THOC1: variants seen among roughly 807,000 people sequenced by gnomAD.
THOC1 encodes the protein THO complex subunit 1.
A neutral mutation model predicts 97.3 loss-of-function variants in THOC1; 29 were observed. The observed-to-expected ratio is 0.30, with a 90% CI of 0.22 to 0.41. The LOEUF (loss-of-function observed/expected upper bound fraction) is 0.41. Among genes scored for constraint, THOC1 ranks in the 10% least tolerant of loss-of-function variants. The pLI is 1.00. For synonymous variants in THOC1, 255 were observed against 257.0 expected (o/e 0.99, Z 0.07); for missense variants, 529 against 761.9 (o/e 0.69, Z 3.60).
intron 18 of THOC1, among the ~76,000 whole-genome samples, chr18:218,067 A>T (rs1288232729): frequency 6.6e-6 from 1 of 152,204 alleles, no homozygotes; most frequent in African/African-American, 2.4e-5. Context: ...ATTAGTTAAG[A>T]GGTCACAGTA....
intron 3 of THOC1, 158 bp downstream of exon 3, chr18:265,145 T>C (rs1912722244): frequency 1.6e-6 from 1 of 617,978 alleles, no homozygotes; most frequent in Non-Finnish European, 2.8e-6. Flanking sequence ...TCAAAATCCT[T>C]AGAGAAATCG....
intron 11 of THOC1, chr18:244,527 T>C (rs1057353152): frequency 2.6e-5 from 4 of 152,234 alleles, no homozygotes; most frequent in Admixed American, 1.3e-4. Flanking sequence ...TTCTCTACTG[T>C]CTTCTGGTAT....
At chr18:257,647 A>G (rs1912477508) in intron 7 of THOC1, among the ~76,000 whole-genome samples, 3 of 152,194 alleles carry the variant, frequency 2.0e-5, no homozygotes, top group Admixed American at 2.0e-4. Flanking sequence ...TGATAACCAG[A>G]CACACAAAGA....
intron 9 of THOC1, among the ~76,000 whole-genome samples, chr18:251,736 G>A (rs1009442186): frequency 6.6e-6 from 1 of 152,154 alleles, no homozygotes; most frequent in Non-Finnish European, 1.5e-5. Flanking sequence ...GAGTGTGGGT[G>A]GGTGGGTATA....
rs751146132 is a variant in THOC1 at position 214,761 on chromosome 18, A to C, written c.1839T>G (p.Ala613=). 1 of 1,613,846 alleles carries C rather than the reference A, an allele frequency of 6.2e-7. No homozygotes were observed. The highest frequency in any genetic ancestry group is 1.3e-5 in the African/African-American group (1 of 74,906). ...ECDSEDMKMR[A]KQLLVAWQDQ... is the part of the protein sequence containing the mutation. ...CTTGCCAGGCAACCAGGAGCTGCTT[A>C]GCTCTCATCTTCATGTCTTCACTGT... The change falls in exon 21 of 21, where the codon GCT becomes GCG. Residue 613 remains alanine, a synonymous_variant. Transcript: ENST00000261600.
chr18:257,848 AT>A (rs1212288488), intron 7 of THOC1, among the ~76,000 whole-genome samples: 4 of 152,236 alleles, frequency 2.6e-5, no homozygotes, highest in African/African-American at 9.6e-5. Context: ...AGATGAAAAA[AT>A]ATATAAGGAG....
At chr18:245,376 A>G (rs1281385680) in intron 11 of THOC1, 1 of 152,016 alleles carries the variant, frequency 6.6e-6, no homozygotes, top group East Asian at 1.9e-4. Flanking sequence ...CTGAGTCCAA[A>G]AGTCTAGAAG....
At chr18:216,166 A>C in intron 19 of THOC1, 2 of 212,760 alleles carry the variant, frequency 9.4e-6, no homozygotes, top group Non-Finnish European at 1.9e-5. Flanking sequence ...ATTGGCCAGG[A>C]TGGTCTCAAT....
chr18:252,879 T>C (rs1912325834), intron 8 of THOC1, among the ~76,000 whole-genome samples: 1 of 152,128 alleles, frequency 6.6e-6, no homozygotes, highest in Non-Finnish European at 1.5e-5. Context: ...ACATAATCAA[T>C]AGATTCCCTC....
In THOC1 at chr18:259,135, A is replaced by G; in HGVS notation, c.520+45T>C. ...CAGATTTTAATCTATTAAAAACTGG[A>G]AAAGATTTTCCTGCAGAAAACTCAT... is the stretch of plus-strand genomic sequence containing the variant. On this transcript the variant is annotated intron_variant, in intron 7 of 20. Transcript: ENST00000261600. 2.1e-6 allele frequency: 3 copies of G among 1,448,106 alleles called. No homozygotes were observed. The Middle Eastern group carries it at 5.3e-4, about 257-fold the overall frequency. 89.7% of individuals were successfully genotyped at this position (1,448,106 alleles called of 1,614,324 possible).
rs773364121 is a variant in THOC1, at chr18:252,574, T to G, written c.642A>C (p.Glu214Asp). The G allele has an allele frequency of 5.6e-6, 9 of 1,609,786 alleles. No homozygotes were observed. The highest frequency in any genetic ancestry group is 3.4e-5 in the Admixed American group (2 of 58,880). Reference sequence around the variant, plus strand: ...GAGCTTCCTCGTCTCCCATTTCGCCTTCTTCTACATCCATTCCTTCTTCTC... The same window carrying G: ...GAGCTTCCTCGTCTCCCATTTCGCCGTCTTCTACATCCATTCCTTCTTCTC... ...EDREEGMDVE[E>D]GEMGDEEAPT... is the part of the protein sequence containing the mutation. Residue 214 changes from glutamate to aspartate, a missense_variant, in exon 9 of 21, where the codon GAA becomes GAC. By Grantham distance (45) the Glu-to-Asp change is conservative. Transcript: ENST00000261600.
At chr18:266,263 G>A (rs1912763789) in intron 1 of THOC1, among the ~76,000 whole-genome samples, 2 of 152,176 alleles carry the variant, frequency 1.3e-5, no homozygotes, top group Admixed American at 1.3e-4. Flanking sequence ...TCCTAAATGT[G>A]TCCATTCCTT....
intron 11 of THOC1, among the ~76,000 whole-genome samples, chr18:235,289 A>G (rs751756011): frequency 1.3e-5 from 2 of 151,366 alleles, no homozygotes; most frequent in Non-Finnish European, 2.9e-5. Flanking sequence ...TTTTTATAAC[A>G]TTTTCTTTTC....
chr18:247,591 A>T (rs901816600), intron 10 of THOC1, among the ~76,000 whole-genome samples: 1 of 152,250 alleles, frequency 6.6e-6, no homozygotes, highest in African/African-American at 2.4e-5. Context: ...GCAAAATATC[A>T]ATTTATGTTA....
At chr18:234,973 T>C (rs1172915887) in intron 11 of THOC1, among the ~76,000 whole-genome samples, 2 of 152,140 alleles carry the variant, frequency 1.3e-5, no homozygotes, top group Admixed American at 1.3e-4. Context: ...AAATTATTTA[T>C]TCTTTGAAGT....
intron 12 of THOC1, among the ~76,000 whole-genome samples, 200 bp downstream of exon 12, chr18:226,601 A>G (rs1198370223): frequency 2.6e-5 from 4 of 152,098 alleles, no homozygotes; most frequent in Non-Finnish European, 4.4e-5. Flanking sequence ...GGCAGGAAAA[A>G]CTCACACTGA....
Position 225,145 on chromosome 18 carries a change from AT to A in THOC1, c.1087-7del. 1 of 1,567,622 alleles carries A rather than the reference AT, an allele frequency of 6.4e-7. No homozygotes were observed. Among genetic ancestry groups the A allele is most frequent in the South Asian group, 1.2e-5 (1 of 84,896 alleles). On this transcript the variant is annotated splice_region_variant and splice_polypyrimidine_tract_variant and intron_variant, in intron 13 of 20. Coordinates refer to ENST00000261600, the MANE Select transcript of THOC1 (RefSeq NM_005131.3). The stretch of plus-strand genomic sequence containing the variant: ...GGGGGGTTTTCAGATAGTAGCTGTG[AT>A]TAGAAAGAATATACTAAGCTTTCAA...
intron 17 of THOC1, among the ~76,000 whole-genome samples, chr18:222,049 ACTTG>A (rs901643392): frequency 1.8e-4 from 27 of 151,898 alleles, no homozygotes; most frequent in African/African-American, 5.8e-4. Flanking sequence ...CTTCTAATTT[ACTTG>A]CTTAAATTTT....
At chr18:249,184 G>C (rs1251563760) in intron 9 of THOC1, among the ~76,000 whole-genome samples, 1 of 152,124 alleles carries the variant, frequency 6.6e-6, no homozygotes, top group Admixed American at 6.5e-5. Flanking sequence ...CTTTCATCAT[G>C]AATTAGTAGT....
Sources: allele counts gnomAD v4.1 joint callset (sites outside exome capture counted in the v4.1 genomes callset), GRCh38; gene constraint gnomAD v4.1.1; transcripts MANE v1.5; gene names NCBI Gene and HGNC (gene_info 2026-07-23, HGNC 2026-07-21).